Variants in CTNNA3 observed in about 807,000 individuals in gnomAD.
The protein encoded by CTNNA3 is catenin alpha-3.
Under a neutral mutation model 95.7 loss-of-function variants are expected in CTNNA3, and 76 were observed. That is an observed-to-expected ratio of 0.79 (90% CI 0.66 to 0.96). The LOEUF is 0.96. CTNNA3 is among the 40% of genes least tolerant of loss of function. CTNNA3 has a pLI of 0.00. For missense variants in CTNNA3, 1,191 were observed against 1,089.8 expected (o/e 1.09, Z -1.31); for synonymous variants, 431 against 374.4 (o/e 1.15, Z -1.74).
chr10:67,149,254 G>T (rs1438357041), intron 7 of CTNNA3, among the ~76,000 whole-genome samples: 2 of 152,074 alleles, frequency 1.3e-5, no homozygotes, highest in African/African-American at 4.8e-5. Context: ...TGCAATTCTT[G>T]TCTTCTTCAA....
intron 5 of CTNNA3, among the ~76,000 whole-genome samples, chr10:67,499,382 GC>G (rs1484864102): frequency 1.1e-4 from 16 of 152,192 alleles, no homozygotes; most frequent in African/African-American, 3.4e-4. Flanking sequence ...AGGGATATTG[GC>G]CCCAAATTTT....
At chr10:66,081,231 C>T (rs1219139291) in intron 14 of CTNNA3, among the ~76,000 whole-genome samples, 1 of 152,086 alleles carries the variant, frequency 6.6e-6, no homozygotes, top group Non-Finnish European at 1.5e-5. Context: ...TAGAATTCAG[C>T]TAGAAGAGTT....
intron 1 of CTNNA3, among the ~76,000 whole-genome samples, chr10:67,648,434 A>G (rs1359777671): frequency 6.6e-6 from 1 of 152,200 alleles, no homozygotes; most frequent in African/African-American, 2.4e-5. Context: ...ACATTTCTAG[A>G]TAGTTCTCTT....
chr10:67,369,302 G>C (rs1350188605), intron 5 of CTNNA3, among the ~76,000 whole-genome samples: 1 of 152,058 alleles, frequency 6.6e-6, no homozygotes, highest in African/African-American at 2.4e-5. Flanking sequence ...CTTGCTCTTG[G>C]AAAAACTGGA....
At chr10:66,140,550 A>G (rs1048659308) in intron 13 of CTNNA3, among the ~76,000 whole-genome samples, 2 of 152,142 alleles carry the variant, frequency 1.3e-5, no homozygotes, top group African/African-American at 4.8e-5. Context: ...GTCGTTAGGT[A>G]TTGGGGTTTC....
intron 13 of CTNNA3, among the ~76,000 whole-genome samples, chr10:66,150,827 G>T (rs2084161705): frequency 6.6e-6 from 1 of 151,640 alleles, no homozygotes; most frequent in Non-Finnish European, 1.5e-5. Flanking sequence ...ATTTCTTAAG[G>T]TAAAAACTTA....
intron 9 of CTNNA3, among the ~76,000 whole-genome samples, chr10:66,755,473 C>A (rs758854658): frequency 6.6e-6 from 1 of 151,942 alleles, no homozygotes; most frequent in Non-Finnish European, 1.5e-5. Context: ...CAAAAAAGAT[C>A]ATTGATATCA....
intron 5 of CTNNA3, among the ~76,000 whole-genome samples, chr10:67,482,929 A>G (rs1419934976): frequency 1.3e-5 from 2 of 152,170 alleles, no homozygotes; most frequent in Non-Finnish European, 2.9e-5. Flanking sequence ...TCCCATCAAT[A>G]AACAACCCCA....
intron 13 of CTNNA3, among the ~76,000 whole-genome samples, chr10:66,199,806 T>TATATGTATATATATATA (rs1554887153): frequency 1.4e-3 from 13 of 9,016 alleles, no homozygotes; most frequent in Non-Finnish European, 2.0e-3. Flanking sequence ...TATATATATA[T>TATATGTATATATATATA]TTTTTTTTTT....
intron 5 of CTNNA3, among the ~76,000 whole-genome samples, chr10:67,516,364 G>A (rs541802668): frequency 4.1e-4 from 63 of 152,084 alleles, no homozygotes; most frequent in African/African-American, 1.4e-3. Context: ...GGATATTATC[G>A]GAACTCATCA....
Position 66,927,014 on chromosome 10 carries a change from G to T in CTNNA3, c.1048-151490C>A. 6.2e-7 allele frequency: 1 copy of T among 1,614,112 alleles called. No homozygotes were observed. Among genetic ancestry groups the T allele is most frequent in the East Asian group, 2.2e-5 (1 of 44,862 alleles). ...ACAATGCTTTCTTCTGCCGAACGAGGATGCCCTAAGGGCTGTAGGTGTGAA... is the reference window on the plus strand; with the variant it reads ...ACAATGCTTTCTTCTGCCGAACGAGTATGCCCTAAGGGCTGTAGGTGTGAA... On this transcript the variant is annotated intron_variant, in intron 7 of 17. Transcript: ENST00000433211. This position sits in a 1 kb window ranked among gnomAD's most constrained non-coding sequence, Gnocchi z 4.7.
intron 7 of CTNNA3, among the ~76,000 whole-genome samples, chr10:67,011,042 A>C (rs1852295673): frequency 1.3e-5 from 2 of 152,108 alleles, no homozygotes; most frequent in Admixed American, 1.3e-4. Context: ...CAACTATGTC[A>C]ATATAGGCCA....
At chr10:67,167,855 G>A (rs931612415) in intron 7 of CTNNA3, among the ~76,000 whole-genome samples, 7 of 152,142 alleles carry the variant, frequency 4.6e-5, no homozygotes, top group African/African-American at 1.2e-4. Context: ...GTTATCGGCC[G>A]AGTATAGTGG....
chr10:67,012,606 C>T (rs931109428), intron 7 of CTNNA3, among the ~76,000 whole-genome samples: 4 of 152,082 alleles, frequency 2.6e-5, no homozygotes, highest in South Asian at 2.1e-4. Flanking sequence ...AGGAACCCTA[C>T]GAAGATAAAA....
chr10:66,875,657 A>T (rs1270632336), intron 7 of CTNNA3, among the ~76,000 whole-genome samples: 1 of 152,154 alleles, frequency 6.6e-6, no homozygotes, highest in Non-Finnish European at 1.5e-5. Flanking sequence ...AAAAATAGTA[A>T]ATCTGCTAAT....
intron 11 of CTNNA3, among the ~76,000 whole-genome samples, chr10:66,472,836 G>T (rs1839184442): frequency 6.6e-6 from 1 of 151,788 alleles, no homozygotes; most frequent in Admixed American, 6.6e-5. Flanking sequence ...AATATAGTGT[G>T]GTAGTAACTC....
intron 5 of CTNNA3, among the ~76,000 whole-genome samples, chr10:67,244,140 G>A (rs568877231): frequency 6.6e-6 from 1 of 152,350 alleles, no homozygotes; most frequent in South Asian, 2.1e-4. Flanking sequence ...GAATGGAAAT[G>A]TTTTTTAATC....
At chr10:67,762,129 G>T (rs1468003121) in intron 1 of CTNNA3, among the ~76,000 whole-genome samples, 2 of 150,930 alleles carry the variant, frequency 1.3e-5, no homozygotes, top group African/African-American at 4.9e-5. Flanking sequence ...ACTTTTGGGG[G>T]CGGGGGGAAT....
At chr10:66,210,015 C>T (rs1045215522) in intron 13 of CTNNA3, among the ~76,000 whole-genome samples, 14 of 151,904 alleles carry the variant, frequency 9.2e-5, no homozygotes, top group African/African-American at 1.9e-4. Flanking sequence ...TTCTGGCTCT[C>T]GGATCTTAAA....
Sources: gnomAD v4.1 joint callset for allele counts (sites outside exome capture counted in the v4.1 genomes callset) on GRCh38, gnomAD v4.1.1 for gene constraint, Gnocchi (gnomAD v3.1) non-coding constraint, MANE v1.5 for transcripts, NCBI Gene and HGNC (gene_info 2026-07-23, HGNC 2026-07-21) for gene names.